The following SCN8A variants were observed in gnomAD, a reference collection of about 807,000 sequenced individuals.
The protein encoded by SCN8A is sodium channel protein type 8 subunit alpha.
Under a neutral mutation model 184.1 loss-of-function variants are expected in SCN8A, and 30 were observed. The observed-to-expected ratio is 0.16, with a 90% CI of 0.12 to 0.22. The LOEUF (loss-of-function observed/expected upper bound fraction) is 0.22. Among genes scored for constraint, SCN8A ranks in the 10% least tolerant of loss-of-function variants. SCN8A has a pLI of 1.00. For missense variants in SCN8A, 1,057 were observed against 2,498.9 expected (o/e 0.42, Z 12.30); for synonymous variants, 852 against 907.0 (o/e 0.94, Z 1.09).
chr12:51,693,739 G>A (rs368586363), intron 6 of SCN8A, among the ~76,000 whole-genome samples: 3 of 152,124 alleles, frequency 2.0e-5, no homozygotes, highest in South Asian at 2.1e-4. Context: ...TGCTTTGTCT[G>A]AACCCAAGCC....
chr12:51,743,922 C>T (rs1942467366), intron 12 of SCN8A, among the ~76,000 whole-genome samples: 1 of 152,138 alleles, frequency 6.6e-6, no homozygotes, highest in Non-Finnish European at 1.5e-5. Flanking sequence ...ATGGTGAAAC[C>T]CATCAAGAGG....
chr12:51,650,104 G>A (rs1432589110), intron 1 of SCN8A, among the ~76,000 whole-genome samples: 7 of 152,112 alleles, frequency 4.6e-5, no homozygotes, highest in African/African-American at 1.4e-4. Flanking sequence ...TTGCTAAAAC[G>A]TAGCAAGAGT....
chr12:51,799,831 C>T (rs303811), intron 26 of SCN8A, among the ~76,000 whole-genome samples: 93,889 of 152,108 alleles, frequency 0.62, 31,523 homozygotes, highest in Non-Finnish European at 0.76. Flanking sequence ...ACAACTTATC[C>T]TTCACCTTAG....
chr12:51,758,842 C>T (rs1209639357), intron 14 of SCN8A, among the ~76,000 whole-genome samples: 2 of 152,092 alleles, frequency 1.3e-5, no homozygotes, highest in East Asian at 3.8e-4. Flanking sequence ...AAAAGCTTGC[C>T]TCACACAGAT....
Position 51,720,018 on chromosome 12 carries a change from G to A in SCN8A, c.1636-1528G>A, listed in dbSNP as rs915049367. Among the ~76,000 whole-genome samples the A allele has an allele frequency of 2.0e-5, 3 of 146,614 alleles. No individual in the cohort carries two copies. The Admixed American group carries it at 2.1e-4, about 10-fold the overall frequency. ...GTGAACCTGGCAGGCGGAGCTTGCA[G>A]TGAGCCGAGATCGCGCCACTGCACT... On this transcript the variant is annotated intron_variant, in intron 11 of 26. Transcript: ENST00000627620.
intron 1 of SCN8A, among the ~76,000 whole-genome samples, chr12:51,621,602 T>A (rs1002749824): frequency 6.6e-6 from 1 of 152,228 alleles, no homozygotes; most frequent in Non-Finnish European, 1.5e-5. Context: ...ATGATGATGA[T>A]TCTTGGAATA....
At chr12:51,679,957 C>T (rs1941300500) in intron 2 of SCN8A, among the ~76,000 whole-genome samples, 1 of 152,022 alleles carries the variant, frequency 6.6e-6, no homozygotes, top group Admixed American at 6.5e-5. Flanking sequence ...AACCGCTGAC[C>T]TCGTGATCCA....
intron 1 of SCN8A, among the ~76,000 whole-genome samples, chr12:51,602,286 A>T (rs552249135): frequency 9.3e-4 from 142 of 152,348 alleles, no homozygotes; most frequent in African/African-American, 3.4e-3. Flanking sequence ...CCCCATAAAT[A>T]TGTATAGTTA....
intron 13 of SCN8A, among the ~76,000 whole-genome samples, chr12:51,749,117 T>G (rs1359428878): frequency 6.6e-6 from 1 of 152,222 alleles, no homozygotes; most frequent in African/African-American, 2.4e-5. Context: ...AGTAACAGTT[T>G]GCAAAGTCAT....
intron 2 of SCN8A, among the ~76,000 whole-genome samples, chr12:51,674,075 T>C (rs1941179174): frequency 6.6e-6 from 1 of 152,196 alleles, no homozygotes; most frequent in South Asian, 2.1e-4. Flanking sequence ...AGTGTAGCTG[T>C]AACTGAAGCA....
At chr12:51,703,168 C>CT (rs1265941566) in intron 9 of SCN8A, among the ~76,000 whole-genome samples, 1 of 152,222 alleles carries the variant, frequency 6.6e-6, no homozygotes, top group East Asian at 1.9e-4. Flanking sequence ...TCTGCTATCT[C>CT]TATCTACTTC....
At chr12:51,801,191 A>G (rs577674480) in intron 26 of SCN8A, among the ~76,000 whole-genome samples, 11 of 152,282 alleles carry the variant, frequency 7.2e-5, no homozygotes, top group African/African-American at 2.6e-4. Flanking sequence ...GCTATCCATT[A>G]TGGTAGCTAC....
At chr12:51,693,220 C>T (rs963049482) in intron 6 of SCN8A, among the ~76,000 whole-genome samples, 2 of 152,192 alleles carry the variant, frequency 1.3e-5, no homozygotes, top group African/African-American at 2.4e-5. Context: ...TATCCTGACT[C>T]ATTGTCTCTT....
Position 51,721,702 on chromosome 12 carries a change from C to T in SCN8A, c.1792C>T (p.Arg598Trp), listed in dbSNP as rs1064796357. 1.6e-5 allele frequency: 26 copies of T among 1,589,944 alleles called. No homozygotes were observed. Among genetic ancestry groups the T allele is most frequent in the Non-Finnish European group, 2.1e-5 (25 of 1,168,304 alleles). The change falls in exon 12 of 27, where the codon CGG becomes TGG. Residue 598 changes from arginine to tryptophan, a missense_variant. Around this residue, in one of 19 missense-constraint regions of SCN8A, gnomAD observed 322 missense variants for 390.1 expected, o/e 0.83. Transcript: ENST00000627620. The stretch of plus-strand genomic sequence containing the variant: ...CACGGTGGAGGAGAGCGAGGGCCGC[C>T]GGGACTCCCTCTTCATCCCCATCCG... ...HSTVEESEGR[R>W]DSLFIPIRAR...
rs150453240 is a variant in SCN8A, at chr12:51,799,040, T to C, written c.4795+4399T>C. ...CTTCAGGGATGTCCTAGAAAGGGGC[T>C]ATAGTGCTGCAGCTGTCCACTTTTG... On this transcript the variant is annotated intron_variant, in intron 26 of 26. Transcript: ENST00000627620. Among the ~76,000 whole-genome samples the C allele has an allele frequency of 3.1e-3, 468 of 152,332 alleles. 2 individuals are homozygous for C. Among genetic ancestry groups the C allele is most frequent in the African/African-American group, 0.011 (441 of 41,584 alleles).
intron 9 of SCN8A, among the ~76,000 whole-genome samples, chr12:51,703,945 G>T (rs994471803): frequency 6.6e-6 from 1 of 151,086 alleles, no homozygotes; most frequent in Non-Finnish European, 1.5e-5. Flanking sequence ...TCGCTCTGTC[G>T]CCCAGGCTGG....
intron 16 of SCN8A, 29 bp from the exon 17 acceptor site, chr12:51,768,836 G>T (rs1187402569): frequency 6.6e-7 from 1 of 1,511,830 alleles, no homozygotes; most frequent in Non-Finnish European, 8.9e-7. Context: ...TTCTGCATTT[G>T]TTCCTTTTTT....
At chr12:51,805,765 G>A (rs1938682626) in intron 26 of SCN8A, among the ~76,000 whole-genome samples, 1 of 151,780 alleles carries the variant, frequency 6.6e-6, no homozygotes, top group African/African-American at 2.4e-5. Flanking sequence ...AAATGTGTGT[G>A]TTAGTTATGT....
rs994058504 is a variant in SCN8A at position 51,766,086 on chromosome 12, A to G, written c.2901+59A>G. ...ACCCTGAATATTCTACCCCTGGCCC[A>G]GAAGCCCAAGTCCTTCTACTGCTTA... On this transcript the variant is annotated intron_variant, in intron 16 of 26. Transcript: ENST00000627620. The G allele has an allele frequency of 3.0e-6, 4 of 1,339,272 alleles. No individual in the cohort carries two copies. The South Asian group carries it at 4.7e-5, about 16-fold the overall frequency. The allele number at this position is 1,339,272 out of a possible 1,614,324, so 83.0% of individuals were successfully genotyped here.
Sources: allele counts gnomAD v4.1 joint callset (sites outside exome capture counted in the v4.1 genomes callset), GRCh38; gene constraint gnomAD v4.1.1; regional missense constraint gnomAD v4.1.1; transcripts MANE v1.5; gene names NCBI Gene and HGNC (gene_info 2026-07-23, HGNC 2026-07-21).